NPAS3: variants seen among roughly 807,000 people sequenced by gnomAD.
NPAS3 encodes neuronal PAS domain protein 3.
A neutral mutation model predicts 73.1 loss-of-function variants in NPAS3; 14 were observed. The ratio of observed to expected loss-of-function variants is 0.19; its 90% CI spans 0.13 to 0.30. The LOEUF (loss-of-function observed/expected upper bound fraction) is 0.30. Among genes scored for constraint, NPAS3 ranks in the 10% least tolerant of loss-of-function variants. NPAS3 has a pLI of 1.00. For synonymous variants in NPAS3, 620 were observed against 541.5 expected, an observed-to-expected ratio of 1.14 and a Z score of -2.01; for missense variants, 1,096 against 1,250.0, an observed-to-expected ratio of 0.88 and a Z score of 1.86.
chr14:33,295,349 C>G (rs1312284009), intron 3 of NPAS3, among the ~76,000 whole-genome samples: 1 of 152,130 alleles, frequency 6.6e-6, no homozygotes, highest in Non-Finnish European at 1.5e-5. Context: ...TAATAAAAGA[C>G]TTCATTTTAA....
chr14:33,753,617 C>A (rs1320499020), intron 7 of NPAS3, among the ~76,000 whole-genome samples: 2 of 152,148 alleles, frequency 1.3e-5, no homozygotes, highest in African/African-American at 4.8e-5. Flanking sequence ...TTAGTCACAG[C>A]TTTTAGCAGA....
chr14:33,125,664 G>A (rs2043401223), intron 2 of NPAS3, among the ~76,000 whole-genome samples: 1 of 152,066 alleles, frequency 6.6e-6, no homozygotes, highest in African/African-American at 2.4e-5. Context: ...TGGCTCAGCT[G>A]CTTCCTGTTT....
intron 4 of NPAS3, among the ~76,000 whole-genome samples, chr14:33,477,650 T>G (rs2051105955): frequency 6.6e-6 from 1 of 152,118 alleles, no homozygotes; most frequent in Admixed American, 6.6e-5. Flanking sequence ...ATTAAACACT[T>G]CGGATCCAAA....
In NPAS3 at chr14:33,403,460, G is replaced by A. The variant is rs377584176; in HGVS notation, c.468+36192G>A. 1.3e-4 allele frequency among the ~76,000 whole-genome samples: 20 copies of A among 152,144 alleles called. No homozygotes were observed. The East Asian group carries it at 3.3e-3, about 25-fold the overall frequency. On this transcript the variant is annotated intron_variant, in intron 4 of 11. Transcript: ENST00000356141. Reference sequence around the variant, plus strand: ...TTTAGTGAGTGTATTTCACTTAGACGAGCAGGAACACCTGCTTCTATTATT... The same window carrying A: ...TTTAGTGAGTGTATTTCACTTAGACAAGCAGGAACACCTGCTTCTATTATT...
chr14:33,352,129 T>C (rs144670391), intron 3 of NPAS3, among the ~76,000 whole-genome samples: 294 of 152,358 alleles, frequency 1.9e-3, no homozygotes, highest in African/African-American at 6.6e-3. Context: ...AGCTAATGTT[T>C]AGCAAATACC....
intron 1 of NPAS3, among the ~76,000 whole-genome samples, chr14:33,017,967 G>A (rs1354358270): frequency 6.6e-5 from 10 of 152,048 alleles, no homozygotes; most frequent in African/African-American, 2.4e-4. Flanking sequence ...TGTTTTAGTT[G>A]ACTGTGAGAT....
chr14:33,475,531 C>G (rs1264824125), intron 4 of NPAS3, among the ~76,000 whole-genome samples: 1 of 132,846 alleles, frequency 7.5e-6, no homozygotes, highest in Non-Finnish European at 1.5e-5. Flanking sequence ...TTCCATGGAG[C>G]TAGGAAGAAC....
At chr14:33,228,478 C>T (rs1044729513) in intron 3 of NPAS3, among the ~76,000 whole-genome samples, 1 of 152,116 alleles carries the variant, frequency 6.6e-6, no homozygotes, top group Non-Finnish European at 1.5e-5. Flanking sequence ...GTGAATAGAG[C>T]TGACATTTCC....
intron 4 of NPAS3, among the ~76,000 whole-genome samples, chr14:33,489,094 GT>G (rs953227118): frequency 6.6e-6 from 1 of 151,898 alleles, no homozygotes; most frequent in Non-Finnish European, 1.5e-5. Context: ...GAGGGTTTTG[GT>G]TTTTTTTCTT....
At chr14:33,672,371 T>TAAAAG (rs998804263) in intron 5 of NPAS3, among the ~76,000 whole-genome samples, 1 of 152,140 alleles carries the variant, frequency 6.6e-6, no homozygotes, top group Admixed American at 6.5e-5. Context: ...CAAGTACAAG[T>TAAAAG]AAAAGAAATT....
chr14:33,142,976 G>C lies in NPAS3; in HGVS notation c.141-72206G>C, dbSNP rs572747488. On this transcript the variant is annotated intron_variant, in intron 2 of 11. Transcript: ENST00000356141. The stretch of plus-strand genomic sequence containing the variant: ...AAAAATTAGGTGGGCATGGTGACAG[G>C]CACCTGTAATCCCAGCTACTCCAGA... 4.6e-5 allele frequency among the ~76,000 whole-genome samples: 7 copies of C among 152,160 alleles called. No homozygotes were observed. The South Asian group carries it at 1.5e-3, about 32-fold the overall frequency.
intron 6 of NPAS3, among the ~76,000 whole-genome samples, chr14:33,727,107 G>A (rs997909986): frequency 7.2e-5 from 11 of 152,122 alleles, no homozygotes; most frequent in African/African-American, 1.2e-4. Flanking sequence ...TTAAAATACC[G>A]TATGTGGGCA....
At chr14:33,157,049 T>C (rs886132865) in intron 2 of NPAS3, among the ~76,000 whole-genome samples, 2 of 152,088 alleles carry the variant, frequency 1.3e-5, no homozygotes, top group African/African-American at 4.8e-5. Context: ...AAACCACTAG[T>C]GAATTTAGAA....
intron 3 of NPAS3, among the ~76,000 whole-genome samples, chr14:33,299,293 C>T (rs1015790830): frequency 6.6e-5 from 10 of 152,148 alleles, no homozygotes; most frequent in South Asian, 2.1e-4. Context: ...AATGGGTTTG[C>T]GATTCAGTTT....
intron 2 of NPAS3, among the ~76,000 whole-genome samples, chr14:33,124,179 T>G (rs1419749345): frequency 6.6e-6 from 1 of 152,056 alleles, no homozygotes; most frequent in Non-Finnish European, 1.5e-5. Context: ...AGAGGAAAGA[T>G]TGTGTACATT....
At chr14:33,759,512 G>A (rs1238652982) in intron 7 of NPAS3, among the ~76,000 whole-genome samples, 1 of 152,170 alleles carries the variant, frequency 6.6e-6, no homozygotes, top group Non-Finnish European at 1.5e-5. Flanking sequence ...TAAACACAGT[G>A]CTATGTATAC....
intron 6 of NPAS3, among the ~76,000 whole-genome samples, chr14:33,687,880 A>G (rs871608): frequency 0.16 from 24,254 of 152,144 alleles, 2,228 homozygotes; most frequent in East Asian, 0.38. Flanking sequence ...CCACCTCCCA[A>G]TAGGAGTCAA....
intron 4 of NPAS3, among the ~76,000 whole-genome samples, chr14:33,373,343 G>A (rs1018155170): frequency 6.6e-5 from 10 of 150,972 alleles, no homozygotes; most frequent in Non-Finnish European, 1.3e-4. Flanking sequence ...AAATTGTTAA[G>A]GTTTATGTTT....
chr14:33,731,493 TA>T (rs2061401305), intron 6 of NPAS3, among the ~76,000 whole-genome samples: 1 of 151,118 alleles, frequency 6.6e-6, no homozygotes, highest in Admixed American at 6.6e-5. Flanking sequence ...TTCATACTCC[TA>T]CAGAGACCCT....
Sources: gnomAD v4.1 joint callset for allele counts (sites outside exome capture counted in the v4.1 genomes callset) on GRCh38, gnomAD v4.1.1 for gene constraint, MANE v1.5 for transcripts, NCBI Gene and HGNC (gene_info 2026-07-23, HGNC 2026-07-21) for gene names.